The following FGF14 variants were observed in gnomAD, a reference collection of about 807,000 sequenced individuals.
The protein encoded by FGF14 is fibroblast growth factor 14, also known as fibroblast growth factor homologous factor 4.
FGF14 carries 5 observed loss-of-function variants against 25.5 expected under a neutral mutation model. The observed-to-expected ratio is 0.20, with a 90% CI of 0.10 to 0.41. The LOEUF (loss-of-function observed/expected upper bound fraction) is 0.41. Among genes scored for constraint, FGF14 ranks in the 10% least tolerant of loss-of-function variants. The pLI, the probability that FGF14 is intolerant of heterozygous loss-of-function variation, is 1.00. For missense variants in FGF14, 222 were observed against 320.1 expected (o/e 0.69, Z 2.34); for synonymous variants, 138 against 118.3 (o/e 1.17, Z -1.08).
At chr13:101,833,081 C>A (rs1315671892) in intron 3 of FGF14, among the ~76,000 whole-genome samples, 1 of 151,988 alleles carries the variant, frequency 6.6e-6, no homozygotes, top group Non-Finnish European at 1.5e-5. Context: ...TAGCCCAGGG[C>A]TGAGAAGGTT....
chr13:102,350,642 A>G (rs77471111), intron 1 of FGF14, among the ~76,000 whole-genome samples: 5,106 of 152,294 alleles, frequency 0.034, 299 homozygotes, highest in African/African-American at 0.12. Context: ...TGCCTGCCAT[A>G]GCCTTTGTAT....
intron 1 of FGF14, among the ~76,000 whole-genome samples, chr13:102,205,251 A>G (rs1375571463): frequency 2.6e-5 from 4 of 152,198 alleles, no homozygotes; most frequent in African/African-American, 9.7e-5. Flanking sequence ...TGGTTTTTCC[A>G]TTTATAAAAT....
At chr13:102,188,988 G>A (rs924454635) in intron 1 of FGF14, among the ~76,000 whole-genome samples, 2 of 61,360 alleles carry the variant, frequency 3.3e-5, no homozygotes, top group Non-Finnish European at 5.9e-5. Context: ...AAGAAAGAAA[G>A]AAAGAAAGAA....
chr13:101,754,937 C>A (rs1192156717), intron 3 of FGF14, among the ~76,000 whole-genome samples: 1 of 152,030 alleles, frequency 6.6e-6, no homozygotes. Context: ...GAATACACTT[C>A]CTAACAGAAA....
At chr13:102,146,468 C>T (rs2046859896) in intron 1 of FGF14, among the ~76,000 whole-genome samples, 1 of 152,184 alleles carries the variant, frequency 6.6e-6, no homozygotes, top group Non-Finnish European at 1.5e-5. Flanking sequence ...TATGTCATTA[C>T]TTTCCTAATT....
At chr13:102,116,372 T>C (rs547335791) in intron 1 of FGF14, among the ~76,000 whole-genome samples, 4 of 152,100 alleles carry the variant, frequency 2.6e-5, no homozygotes, top group South Asian at 4.2e-4. Context: ...GTGTGCGTAG[T>C]ATAGTGTGTG....
intron 1 of FGF14, among the ~76,000 whole-genome samples, chr13:102,383,106 A>C (rs1034546532): frequency 6.6e-6 from 1 of 152,158 alleles, no homozygotes; most frequent in Non-Finnish European, 1.5e-5. Context: ...TGGTATATGA[A>C]TTATATTTCA....
chr13:101,835,751 G>A (rs904535728), intron 3 of FGF14, among the ~76,000 whole-genome samples: 1 of 151,942 alleles, frequency 6.6e-6, no homozygotes, highest in African/African-American at 2.4e-5. Flanking sequence ...CTGTGCTTGC[G>A]GCTACCCACT....
intron 4 of FGF14, among the ~76,000 whole-genome samples, chr13:101,724,989 T>C (rs2035311781): frequency 6.6e-6 from 1 of 152,004 alleles, no homozygotes; most frequent in South Asian, 2.1e-4. Context: ...CTATGAGATA[T>C]GCAAAATAAC....
intron 3 of FGF14, among the ~76,000 whole-genome samples, chr13:101,749,344 TATTGATACATGCAGCA>T (rs2037118286): frequency 1.3e-5 from 2 of 152,074 alleles, no homozygotes; most frequent in South Asian, 4.1e-4. Flanking sequence ...AGGAATGAAC[TATTGATACATGCAGCA>T]ACATGTATAA....
At chr13:101,853,367 C>A (rs1209473443) in intron 3 of FGF14, among the ~76,000 whole-genome samples, 1 of 152,090 alleles carries the variant, frequency 6.6e-6, no homozygotes, top group African/African-American at 2.4e-5. Flanking sequence ...CCAACAAATT[C>A]TCTCTTCATA....
At chr13:101,939,563 A>G (rs1277428402) in intron 1 of FGF14, among the ~76,000 whole-genome samples, 1 of 152,220 alleles carries the variant, frequency 6.6e-6, no homozygotes, top group Non-Finnish European at 1.5e-5. Flanking sequence ...GTGTTGGGTT[A>G]ATGCGAAATC....
At chr13:101,952,609 C>T (rs1048481634) in intron 1 of FGF14, among the ~76,000 whole-genome samples, 2 of 152,146 alleles carry the variant, frequency 1.3e-5, no homozygotes, top group Non-Finnish European at 2.9e-5. Context: ...CTTCATAGAG[C>T]TCTTTTTTTC....
At chr13:101,971,752 G>A (rs887694938) in intron 1 of FGF14, among the ~76,000 whole-genome samples, 12 of 152,148 alleles carry the variant, frequency 7.9e-5, no homozygotes, top group African/African-American at 2.9e-4. Flanking sequence ...AAACCACTTG[G>A]GCCACCTAGG....
intron 1 of FGF14, among the ~76,000 whole-genome samples, chr13:102,148,780 G>A (rs2046959494): frequency 6.6e-6 from 1 of 152,150 alleles, no homozygotes; most frequent in South Asian, 2.1e-4. Flanking sequence ...AACAGGGCGA[G>A]ACTCAGTCTC....
intron 1 of FGF14, among the ~76,000 whole-genome samples, chr13:102,276,337 G>A (rs2053542312): frequency 3.6e-5 from 1 of 27,764 alleles, no homozygotes. Context: ...ACGTACGTGT[G>A]TGTGTGTGTG....
intron 1 of FGF14, among the ~76,000 whole-genome samples, chr13:101,972,468 A>C (rs2037659519): frequency 6.6e-6 from 1 of 152,160 alleles, no homozygotes; most frequent in Admixed American, 6.5e-5. Flanking sequence ...TGAAAAACAC[A>C]TTGTTACTGA....
intron 3 of FGF14, among the ~76,000 whole-genome samples, chr13:101,786,282 T>C (rs1178701674): frequency 6.6e-6 from 1 of 152,194 alleles, no homozygotes; most frequent in African/African-American, 2.4e-5. Flanking sequence ...GAACAGGAAT[T>C]TTTACATAGG....
rs772580404 is a variant in FGF14, at chr13:102,120,409, G to C, written c.209-245113C>G. Among the ~76,000 whole-genome samples the C allele has an allele frequency of 4.3e-4, 65 of 152,334 alleles. 1 individual carries two copies. Among genetic ancestry groups the C allele is most frequent in the Non-Finnish European group, 3.2e-4 (22 of 68,020 alleles). ...GTCAGCGTCATGAGTAGTGTTAAAT[G>C]AGGAGAGCTATCAGAGAGACCTTTG... On this transcript the variant is annotated intron_variant, in intron 1 of 4. Coordinates refer to the FGF14 transcript ENST00000376131.
Sources: allele counts gnomAD v4.1 joint callset (sites outside exome capture counted in the v4.1 genomes callset), GRCh38; gene constraint gnomAD v4.1.1; transcripts MANE v1.5; gene names NCBI Gene and HGNC (gene_info 2026-07-23, HGNC 2026-07-21).